ARHGAP24: variants seen among roughly 807,000 people sequenced by gnomAD.
ARHGAP24 encodes Rho GTPase activating protein 24, also known as rho GTPase-activating protein 24.
A neutral mutation model predicts 76.4 loss-of-function variants in ARHGAP24; 50 were observed. That is an observed-to-expected ratio of 0.65 (90% CI 0.52 to 0.83). ARHGAP24 has a LOEUF of 0.83. ARHGAP24 is among the 40% of genes least tolerant of loss of function. The pLI is 0.00. For synonymous variants in ARHGAP24, 345 were observed against 323.3 expected, an observed-to-expected ratio of 1.07 and a Z score of -0.72; for missense variants, 930 against 914.2, an observed-to-expected ratio of 1.02 and a Z score of -0.22.
intron 3 of ARHGAP24, among the ~76,000 whole-genome samples, chr4:85,750,024 A>T (rs1310088739): frequency 6.6e-6 from 1 of 152,008 alleles, no homozygotes; most frequent in Non-Finnish European, 1.5e-5. Context: ...GCAGACAGAC[A>T]TCCATCCACC....
intron 3 of ARHGAP24, among the ~76,000 whole-genome samples, chr4:85,905,119 A>C (rs1167348583): frequency 6.6e-6 from 1 of 152,140 alleles, no homozygotes; most frequent in Admixed American, 6.6e-5. Context: ...AAAACATTAG[A>C]GCAGTCTGGA....
intron 3 of ARHGAP24, among the ~76,000 whole-genome samples, chr4:85,807,012 C>G (rs1471664061): frequency 1.3e-5 from 2 of 152,146 alleles, no homozygotes; most frequent in African/African-American, 2.4e-5. Context: ...CCCAATGCCA[C>G]AAAGATATTT....
intron 3 of ARHGAP24, among the ~76,000 whole-genome samples, chr4:85,908,491 G>A (rs1259199469): frequency 1.3e-5 from 2 of 152,140 alleles, no homozygotes; most frequent in East Asian, 3.9e-4. Flanking sequence ...TAGATATTTA[G>A]GCTTCTAGGA....
At chr4:85,923,608 TG>T (rs757391487) in intron 3 of ARHGAP24, 39 bp from the exon 4 acceptor site, 1 of 1,612,526 alleles carries the variant, frequency 6.2e-7, no homozygotes, top group Non-Finnish European at 8.5e-7. Context: ...GAGGAATCTC[TG>T]GATGCAACTT....
intron 8 of ARHGAP24, among the ~76,000 whole-genome samples, chr4:85,988,394 A>G (rs919846585): frequency 4.0e-5 from 6 of 151,876 alleles, no homozygotes; most frequent in Non-Finnish European, 7.4e-5. Flanking sequence ...AATGTATGAC[A>G]ACGACAGAAT....
chr4:85,693,409 C>G (rs1723744337), intron 2 of ARHGAP24, among the ~76,000 whole-genome samples: 2 of 152,224 alleles, frequency 1.3e-5, no homozygotes, highest in Non-Finnish European at 2.9e-5. Flanking sequence ...CGCCTGCCAG[C>G]CCACAGACCC....
intron 3 of ARHGAP24, among the ~76,000 whole-genome samples, chr4:85,883,839 G>A (rs977860641): frequency 5.3e-5 from 8 of 152,106 alleles, no homozygotes; most frequent in African/African-American, 1.9e-4. Flanking sequence ...ATCAAGCAGA[G>A]TATAGCTGCT....
chr4:85,485,792 T>A (rs535586673), intron 1 of ARHGAP24, among the ~76,000 whole-genome samples: 10 of 151,446 alleles, frequency 6.6e-5, no homozygotes, highest in South Asian at 6.3e-4. Context: ...TGGAGTGCAG[T>A]GGTGATCTTG....
chr4:85,531,081 T>C (rs1725238358), intron 1 of ARHGAP24, among the ~76,000 whole-genome samples: 1 of 152,026 alleles, frequency 6.6e-6, no homozygotes, highest in Non-Finnish European at 1.5e-5. Context: ...TTATGGTATA[T>C]GTGTTAAGTG....
At chr4:85,648,602 G>C (rs1362166989) in intron 2 of ARHGAP24, among the ~76,000 whole-genome samples, 1 of 151,986 alleles carries the variant, frequency 6.6e-6, no homozygotes, top group Non-Finnish European at 1.5e-5. Flanking sequence ...ATGTAATATT[G>C]CCATTTATCA....
intron 3 of ARHGAP24, among the ~76,000 whole-genome samples, chr4:85,901,181 T>A (rs6819930): frequency 0.3 from 45,423 of 151,988 alleles, 6,925 homozygotes; most frequent in South Asian, 0.43. Flanking sequence ...TACTTTCTAT[T>A]CTGTTTGGTA....
At chr4:85,493,426 T>A (rs1393765369) in intron 1 of ARHGAP24, among the ~76,000 whole-genome samples, 1 of 152,248 alleles carries the variant, frequency 6.6e-6, no homozygotes, top group African/African-American at 2.4e-5. Context: ...CGCGGAAGTT[T>A]TCCCTTACCC....
intron 5 of ARHGAP24, among the ~76,000 whole-genome samples, chr4:85,955,121 G>C (rs774757001): frequency 3.9e-5 from 6 of 152,114 alleles, no homozygotes; most frequent in Admixed American, 3.3e-4. Flanking sequence ...GGCTGCTCTC[G>C]GCCCAGAGCC....
chr4:85,713,598 G>C (rs1426743849), intron 2 of ARHGAP24, among the ~76,000 whole-genome samples: 1 of 151,626 alleles, frequency 6.6e-6, no homozygotes, highest in Non-Finnish European at 1.5e-5. Context: ...TAAGGAAGTG[G>C]AGCTTGGACT....
chr4:85,869,309 T>A (rs1248335763), intron 3 of ARHGAP24, among the ~76,000 whole-genome samples: 3 of 152,154 alleles, frequency 2.0e-5, no homozygotes, highest in Non-Finnish European at 4.4e-5. Context: ...AGTGGGAGGT[T>A]GGGAATGGTT....
At chr4:85,584,624 C>G (rs528937933) in intron 2 of ARHGAP24, among the ~76,000 whole-genome samples, 7 of 151,802 alleles carry the variant, frequency 4.6e-5, no homozygotes, top group Non-Finnish European at 8.8e-5. Context: ...TATCCCAAGG[C>G]TAGCAATTGG....
intron 3 of ARHGAP24, among the ~76,000 whole-genome samples, chr4:85,865,298 T>G (rs1190484619): frequency 6.6e-6 from 1 of 151,896 alleles, no homozygotes; most frequent in African/African-American, 2.4e-5. Context: ...TTTTGTGAGT[T>G]GGCAGGTAAG....
intron 1 of ARHGAP24, among the ~76,000 whole-genome samples, chr4:85,496,121 A>C (rs1723573273): frequency 6.6e-6 from 1 of 152,234 alleles, no homozygotes; most frequent in Admixed American, 6.5e-5. Flanking sequence ...GTTTTCTTTT[A>C]TACAAATGCC....
intron 1 of ARHGAP24, among the ~76,000 whole-genome samples, chr4:85,525,257 C>CTTTT (rs34087239): frequency 1.9e-4 from 25 of 128,356 alleles, no homozygotes; most frequent in African/African-American, 7.2e-4. Context: ...GTATTATCGG[C>CTTTT]TTTTTTTTTT....
Sources: gnomAD v4.1 joint callset for allele counts (sites outside exome capture counted in the v4.1 genomes callset) on GRCh38, gnomAD v4.1.1 for gene constraint, MANE v1.5 for transcripts, NCBI Gene and HGNC (gene_info 2026-07-23, HGNC 2026-07-21) for gene names.